Variants in ANO3 observed in about 807,000 individuals in gnomAD.
The protein encoded by ANO3 is anoctamin-3.
ANO3 carries 99 observed loss-of-function variants against 144.8 expected under a neutral mutation model. That is an observed-to-expected ratio of 0.68 (90% confidence interval 0.58 to 0.81). The LOEUF (loss-of-function observed/expected upper bound fraction) is 0.81, where lower values mean the gene tolerates loss of function less well. Among genes scored for constraint, ANO3 ranks in the 30% least tolerant of loss-of-function variants. ANO3 has a pLI of 0.00. For synonymous variants in ANO3, 414 were observed against 392.6 expected (o/e 1.05, Z -0.64); for missense variants, 905 against 1,202.2 (o/e 0.75, Z 3.66).
chr11:26,648,675 AT>A (rs1853427121), intron 24 of ANO3, among the ~76,000 whole-genome samples: 2 of 152,034 alleles, frequency 1.3e-5, no homozygotes, highest in East Asian at 3.9e-4. Context: ...TAAATAAGGT[AT>A]TGGGGGAAAA....
chr11:26,415,348 A>G (rs1472647098), intron 1 of ANO3, among the ~76,000 whole-genome samples: 1 of 152,064 alleles, frequency 6.6e-6, no homozygotes, highest in African/African-American at 2.4e-5. Context: ...GGATGCTAAC[A>G]TTCAGAATTT....
At chr11:26,430,457 C>CA (rs1858054242) in intron 1 of ANO3, among the ~76,000 whole-genome samples, 1 of 151,918 alleles carries the variant, frequency 6.6e-6, no homozygotes, top group South Asian at 2.1e-4. Context: ...TAATGATGAA[C>CA]ACATCATGTA....
intron 1 of ANO3, among the ~76,000 whole-genome samples, chr11:26,373,030 G>A (rs2133940502): frequency 6.6e-6 from 1 of 152,126 alleles, no homozygotes; most frequent in South Asian, 2.1e-4. Context: ...TGTCACATTG[G>A]TTTATTCTGT....
intron 1 of ANO3, among the ~76,000 whole-genome samples, chr11:26,208,711 A>T (rs1851868981): frequency 6.6e-6 from 1 of 152,202 alleles, no homozygotes; most frequent in African/African-American, 2.4e-5. Context: ...ATGTCCATAT[A>T]TTCTGAAAAT....
At chr11:26,367,111 A>C (rs1309577943) in intron 1 of ANO3, among the ~76,000 whole-genome samples, 1 of 152,202 alleles carries the variant, frequency 6.6e-6, no homozygotes, top group South Asian at 2.1e-4. Flanking sequence ...TTAATTCAAG[A>C]TGGATTAAAG....
chr11:26,370,097 T>C (rs2133936904), intron 1 of ANO3, among the ~76,000 whole-genome samples: 1 of 152,340 alleles, frequency 6.6e-6, no homozygotes, highest in South Asian at 2.1e-4. Context: ...ATGAGTTGGC[T>C]GTGTTCTCAC....
intron 4 of ANO3, among the ~76,000 whole-genome samples, chr11:26,466,042 A>G (rs1859591122): frequency 6.6e-6 from 1 of 151,948 alleles, no homozygotes. Flanking sequence ...TATAATTTTG[A>G]TATCTACTAT....
chr11:26,457,247 A>C (rs1238274773), intron 3 of ANO3, among the ~76,000 whole-genome samples: 1 of 17,952 alleles, frequency 5.6e-5, no homozygotes, highest in Non-Finnish European at 2.0e-4. Flanking sequence ...ATAAAAAAAA[A>C]ACCTGCACGT....
At chr11:26,482,954 T>C (rs1120935) in intron 4 of ANO3, among the ~76,000 whole-genome samples, 11,426 of 152,208 alleles carry the variant, frequency 0.075, 600 homozygotes, top group Admixed American at 0.13. Context: ...GAATATCACA[T>C]TTTCTTATTT....
intron 1 of ANO3, among the ~76,000 whole-genome samples, chr11:26,415,782 A>G (rs947436220): frequency 5.9e-5 from 9 of 152,088 alleles, no homozygotes; most frequent in African/African-American, 2.2e-4. Context: ...ACCGGGTATT[A>G]AATCTCTGCA....
chr11:26,489,411 C>T (rs561610328), intron 4 of ANO3, among the ~76,000 whole-genome samples: 2 of 152,334 alleles, frequency 1.3e-5, no homozygotes, highest in East Asian at 3.9e-4. Context: ...TCATGGAGAA[C>T]CTCTGCTAGG....
At chr11:26,320,251 T>C (rs1331479897) in intron 1 of ANO3, among the ~76,000 whole-genome samples, 1 of 152,222 alleles carries the variant, frequency 6.6e-6, no homozygotes, top group African/African-American at 2.4e-5. Context: ...TAATTACTCC[T>C]AAACAAAATG....
At chr11:26,268,761 T>C (rs562523397) in intron 1 of ANO3, among the ~76,000 whole-genome samples, 102 of 152,294 alleles carry the variant, frequency 6.7e-4, no homozygotes, top group African/African-American at 2.4e-3. Flanking sequence ...TGAGCAGGTT[T>C]CTAGCCTAAA....
chr11:26,512,783 A>C lies in ANO3; in HGVS notation c.592-4044A>C, dbSNP rs535015025. Among the ~76,000 whole-genome samples, 8 of 152,342 alleles carry C rather than the reference A, an allele frequency of 5.3e-5. No homozygotes were observed. The East Asian group carries it at 5.8e-4, about 11-fold the overall frequency. On this transcript the variant is annotated intron_variant, in intron 5 of 26. Transcript: ENST00000256737. The stretch of plus-strand genomic sequence containing the variant: ...GGTTGAGAGTAATGAATTAATAACC[A>C]GTACTAGGCAAGCTGTTCATGATGC...
At chr11:26,322,991 T>A (rs1009061862) in intron 1 of ANO3, among the ~76,000 whole-genome samples, 1 of 152,178 alleles carries the variant, frequency 6.6e-6, no homozygotes, top group Non-Finnish European at 1.5e-5. Context: ...TAGGTTATAA[T>A]ACAATATTAC....
chr11:26,484,202 C>A (rs982439599), intron 4 of ANO3, among the ~76,000 whole-genome samples: 1 of 152,078 alleles, frequency 6.6e-6, no homozygotes, highest in African/African-American at 2.4e-5. Flanking sequence ...AAATTTGCAG[C>A]CTGACTGTGG....
intron 14 of ANO3, among the ~76,000 whole-genome samples, chr11:26,564,571 A>T (rs1850442128): frequency 6.7e-6 from 1 of 149,578 alleles, no homozygotes; most frequent in African/African-American, 2.4e-5. Flanking sequence ...AGATTGACAT[A>T]ATCCTTAAAT....
intron 23 of ANO3, 87 bp downstream of exon 23, chr11:26,643,421 A>T: frequency 6.7e-7 from 1 of 1,502,964 alleles, no homozygotes; most frequent in South Asian, 1.3e-5. Flanking sequence ...CATATGTTGA[A>T]ACTTAATTGC....
chr11:26,192,378 C>T (rs1308231138), intron 1 of ANO3, among the ~76,000 whole-genome samples: 2 of 152,014 alleles, frequency 1.3e-5, no homozygotes, highest in African/African-American at 4.8e-5. Flanking sequence ...GAGAGGTCTA[C>T]CTTTTTAATC....
Sources: allele counts gnomAD v4.1 joint callset (sites outside exome capture counted in the v4.1 genomes callset), GRCh38; gene constraint gnomAD v4.1.1; transcripts MANE v1.5; gene names NCBI Gene and HGNC (gene_info 2026-07-23, HGNC 2026-07-21).